Variants in POLN observed in about 807,000 individuals in gnomAD.
The protein encoded by POLN is DNA polymerase nu.
A neutral mutation model predicts 113.5 loss-of-function variants in POLN; 108 were observed. That is an observed-to-expected ratio of 0.95 (90% CI 0.81 to 1.12). POLN has a LOEUF of 1.12. POLN is among the 50% of genes most tolerant of loss of function. The pLI is 0.00. For synonymous variants in POLN, 386 were observed against 391.5 expected, an observed-to-expected ratio of 0.99 and a Z score of 0.17; for missense variants, 1,097 against 1,077.1, an observed-to-expected ratio of 1.02 and a Z score of -0.26.
intron 16 of POLN, among the ~76,000 whole-genome samples, chr4:2,148,500 C>G (rs1732205758): frequency 6.6e-6 from 1 of 152,092 alleles, no homozygotes; most frequent in Non-Finnish European, 1.5e-5. Flanking sequence ...AACCCTGTCT[C>G]TATTAAAAAT....
chr4:2,176,053 A>T (rs1204334872), intron 9 of POLN, among the ~76,000 whole-genome samples: 1 of 152,222 alleles, frequency 6.6e-6, no homozygotes, highest in East Asian at 1.9e-4. Flanking sequence ...TTTAAAAAAT[A>T]TTACAATTGT....
chr4:2,090,250 C>T, intron 20 of POLN: 1 of 803,036 alleles, frequency 1.2e-6, no homozygotes, highest in Non-Finnish European at 2.1e-6. Context: ...TACATGCTAT[C>T]TTGTTCCAGA....
intron 7 of POLN, among the ~76,000 whole-genome samples, chr4:2,182,999 T>A (rs900022366): frequency 6.6e-6 from 1 of 152,156 alleles, no homozygotes; most frequent in African/African-American, 2.4e-5. Context: ...GGCAAAATAT[T>A]TGAACAGACA....
At chr4:2,081,821 A>C in intron 21 of POLN, 78 bp from the exon 22 acceptor site, 1 of 1,188,560 alleles carries the variant, frequency 8.4e-7, no homozygotes, top group Non-Finnish European at 1.2e-6. Context: ...GGCCAGGTCC[A>C]GAGGCCACAG....
chr4:2,137,968 A>G (rs1051706033), intron 16 of POLN, among the ~76,000 whole-genome samples: 2 of 152,102 alleles, frequency 1.3e-5, no homozygotes, highest in South Asian at 2.1e-4. Flanking sequence ...CCTCCCGAGT[A>G]GCTGGGATTA....
intron 13 of POLN, among the ~76,000 whole-genome samples, chr4:2,168,504 T>C (rs1203966527): frequency 2.0e-5 from 3 of 152,248 alleles, no homozygotes; most frequent in African/African-American, 7.2e-5. Flanking sequence ...CATGTCTTTA[T>C]GGGAGAAAAA....
Position 2,085,760 on chromosome 4 carries a change from A to G in POLN, c.2066-16T>C. 1 of 1,612,718 alleles carries G rather than the reference A, an allele frequency of 6.2e-7. No homozygotes were observed. The highest frequency in any genetic ancestry group is 8.5e-7 in the Non-Finnish European group (1 of 1,179,968). ...CGCTCCTTCCCTGTCAGTCAGAGAG[A>G]CGCATGTCAAAGCCTCACTCACACC... On this transcript the variant is annotated splice_polypyrimidine_tract_variant and intron_variant, in intron 20 of 25. Transcript: ENST00000511885.
intron 16 of POLN, among the ~76,000 whole-genome samples, chr4:2,155,385 T>A (rs1214825523): frequency 2.0e-5 from 3 of 152,230 alleles, no homozygotes; most frequent in Non-Finnish European, 4.4e-5. Flanking sequence ...GCCCGAGAGC[T>A]GACTGACCAA....
intron 16 of POLN, among the ~76,000 whole-genome samples, chr4:2,150,109 A>AAAAAC (rs1217095669): frequency 1.3e-5 from 2 of 152,034 alleles, no homozygotes; most frequent in African/African-American, 2.4e-5. Context: ...ACAAAAAACA[A>AAAAAC]AAAACAAAAC....
chr4:2,148,671 C>G (rs502105), intron 16 of POLN, among the ~76,000 whole-genome samples: 110,016 of 141,874 alleles, frequency 0.78, 42,452 homozygotes, highest in Non-Finnish European at 0.87. Flanking sequence ...TGTCCCCCCC[C>G]CAAAAAAAAA....
chr4:2,170,693 T>C lies in POLN; in HGVS notation c.1540A>G (p.Thr514Ala). ...PRTGLQKYPS[T>A]SEAVLNALRD... ...TGAAACCTTACCACTGCTTCTGATGTAGACGGGTATTTCTGCAACCCCGTT... is the reference window on the plus strand; with the variant it reads ...TGAAACCTTACCACTGCTTCTGATGCAGACGGGTATTTCTGCAACCCCGTT... Residue 514 changes from threonine to alanine, a missense_variant, in exon 13 of 26, where the codon ACA becomes GCA. Physicochemically the swap from Thr to Ala is moderately conservative, Grantham distance 58. Transcript: ENST00000511885. 1.2e-6 allele frequency: 2 copies of C among 1,613,448 alleles called. No individual in the cohort carries two copies. The highest frequency in any genetic ancestry group is 1.1e-5 in the South Asian group (1 of 91,056).
At chr4:2,240,865 C>A in intron 2 of POLN, 2 of 1,612,126 alleles carry the variant, frequency 1.2e-6, no homozygotes, top group South Asian at 1.1e-5. Flanking sequence ...AACAACCAGT[C>A]AAAGTCTTCT....
At chr4:2,079,845 A>G in intron 23 of POLN, 3 of 983,582 alleles carry the variant, frequency 3.1e-6, no homozygotes, top group Non-Finnish European at 3.6e-6. Context: ...TCGGCCTCCC[A>G]AAGTGCTGGG....
chr4:2,080,679 C>T, intron 23 of POLN: 1 of 1,344,852 alleles, frequency 7.4e-7, no homozygotes, highest in Non-Finnish European at 9.6e-7. Flanking sequence ...CAAGGGGTGC[C>T]CCTGTGCTGT....
chr4:2,183,082 T>A (rs912961315), intron 7 of POLN, among the ~76,000 whole-genome samples: 1 of 152,204 alleles, frequency 6.6e-6, no homozygotes, highest in African/African-American at 2.4e-5. Flanking sequence ...GGCATCAGTA[T>A]AATACAAACC....
chr4:2,172,487 G>A (rs1732888814), intron 11 of POLN, among the ~76,000 whole-genome samples: 1 of 152,104 alleles, frequency 6.6e-6, no homozygotes, highest in African/African-American at 2.4e-5. Flanking sequence ...ACACTTATTG[G>A]CCTTTAGCTG....
At chr4:2,225,018 G>C (rs1461877204) in intron 3 of POLN, among the ~76,000 whole-genome samples, 1 of 152,038 alleles carries the variant, frequency 6.6e-6, no homozygotes, top group Admixed American at 6.6e-5. Flanking sequence ...TAGGAGACAG[G>C]AATTTTTCAG....
At position 2,171,099 on chromosome 4, in the gene POLN, T is replaced by A. The variant is rs199559764; in HGVS notation, c.1457A>T (p.Glu486Val). ...FLITSNNQLR[E>V]ILFGKLKLHL... ...GAAAGAACCAAAATTCAGCTTTACC[T>A]CTCGAAGCTGGTTATTGCTCGTTAT... The change falls in exon 12 of 26, where the codon GAG becomes GTG. Residue 486 changes from glutamate (E) to valine (V), a missense_variant and splice_region_variant. Coordinates refer to ENST00000511885, the MANE Select transcript of POLN (RefSeq NM_181808.4). The A allele has an allele frequency of 1.1e-4, 171 of 1,610,252 alleles. 2 individuals carry two copies. The Middle Eastern group carries it at 2.5e-3, about 23-fold the overall frequency.
chr4:2,089,935 TTAGC>T (rs1730628254), intron 20 of POLN: 3 of 985,164 alleles, frequency 3.0e-6, no homozygotes, highest in Admixed American at 2.1e-5. Context: ...AGGAATTAAG[TTAGC>T]TAGTGAAAGT....
Sources: gnomAD v4.1 joint callset for allele counts (sites outside exome capture counted in the v4.1 genomes callset) on GRCh38, gnomAD v4.1.1 for gene constraint, MANE v1.5 for transcripts, NCBI Gene and HGNC (gene_info 2026-07-23, HGNC 2026-07-21) for gene names.